The following RNF144B variants were observed in gnomAD, a reference collection of about 807,000 sequenced individuals.
The protein encoded by RNF144B is E3 ubiquitin-protein ligase RNF144B.
Under a neutral mutation model 40.2 loss-of-function variants are expected in RNF144B, and 25 were observed. That is an observed-to-expected ratio of 0.62 (90% CI 0.45 to 0.87). The LOEUF is 0.87. Among genes scored for constraint, RNF144B ranks in the 40% least tolerant of loss-of-function variants. RNF144B has a pLI of 0.00. For missense variants in RNF144B, 365 were observed against 373.7 expected, an observed-to-expected ratio of 0.98 and a Z score of 0.19; for synonymous variants, 145 against 136.3, an observed-to-expected ratio of 1.06 and a Z score of -0.44.
intron 3 of RNF144B, among the ~76,000 whole-genome samples, chr6:18,436,779 T>C (rs1192154909): frequency 6.6e-6 from 1 of 152,176 alleles, no homozygotes; most frequent in Admixed American, 6.5e-5. Flanking sequence ...CTTCTAATAA[T>C]CATCCTAACA....
At chr6:18,396,105 T>A (rs1208903235) in intron 1 of RNF144B, among the ~76,000 whole-genome samples, 1 of 152,224 alleles carries the variant, frequency 6.6e-6, no homozygotes, top group Non-Finnish European at 1.5e-5. Context: ...TTTATAACTT[T>A]GACTTCATAG....
chr6:18,429,991 A>G (rs1239278120), intron 3 of RNF144B, among the ~76,000 whole-genome samples: 1 of 152,204 alleles, frequency 6.6e-6, no homozygotes, highest in Non-Finnish European at 1.5e-5. Flanking sequence ...AGGCAACAGG[A>G]GCTGTGTCTG....
In RNF144B at chr6:18,468,645, CAT is replaced by C. The variant is rs769753235; in HGVS notation, c.*3579_*3580del. 2 of 152,260 alleles carry C rather than the reference CAT, an allele frequency of 1.3e-5. No individual in the cohort carries two copies. Among genetic ancestry groups the C allele is most frequent in the East Asian group, 3.9e-4 (2 of 5,178 alleles). The allele number at this position is 152,260 out of a possible 1,614,324, so 9.4% of individuals were successfully genotyped here. Reference sequence around the variant, plus strand: ...TGGATGCCTTTATGTGATATAGAGTCATGTGTGTATGTGTAGCTTTAAGGGCA... The same window carrying C: ...TGGATGCCTTTATGTGATATAGAGTCGTGTGTATGTGTAGCTTTAAGGGCA... On this transcript the variant is annotated 3_prime_UTR_variant, in exon 8 of 8. Transcript: ENST00000259939.
intron 2 of RNF144B, among the ~76,000 whole-genome samples, chr6:18,426,748 T>C (rs1351492513): frequency 7.3e-6 from 1 of 137,794 alleles, no homozygotes; most frequent in East Asian, 1.9e-4. Context: ...GAGTTTCTTT[T>C]TTCTATTCAA....
At chr6:18,389,620 T>C (rs1235872528) in intron 1 of RNF144B, among the ~76,000 whole-genome samples, 1 of 152,178 alleles carries the variant, frequency 6.6e-6, no homozygotes, top group Non-Finnish European at 1.5e-5. Context: ...GTGAAGTTTT[T>C]AGTGTTTGAA....
At chr6:18,394,957 T>C (rs1375716817) in intron 1 of RNF144B, among the ~76,000 whole-genome samples, 1 of 152,186 alleles carries the variant, frequency 6.6e-6, no homozygotes, top group African/African-American at 2.4e-5. Context: ...TCTTGTTCTA[T>C]GATTAGGTAT....
At position 18,422,535 on chromosome 6, in the gene RNF144B, A is replaced by G. The variant is rs1418058872; in HGVS notation, c.166-5046A>G. ...ACCTTCCTTCCCACTTGGCTGAGCT[A>G]TGGATGAGAAAACCTAGGTCAATAG... On this transcript the variant is annotated intron_variant, in intron 2 of 7. Transcript: ENST00000259939. This position sits in a 1 kb window ranked among gnomAD's most constrained non-coding sequence, Gnocchi z 4.7. Among the ~76,000 whole-genome samples the G allele has an allele frequency of 6.6e-6, 1 of 152,128 alleles. No homozygotes were observed. Among genetic ancestry groups the G allele is most frequent in the African/African-American group, 2.4e-5 (1 of 41,424 alleles).
At chr6:18,404,742 G>C (rs2087737545) in intron 2 of RNF144B, among the ~76,000 whole-genome samples, 3 of 152,188 alleles carry the variant, frequency 2.0e-5, no homozygotes, top group African/African-American at 7.2e-5. Context: ...ACAGTAAATA[G>C]ATGAGCACAT....
intron 2 of RNF144B, among the ~76,000 whole-genome samples, chr6:18,403,764 G>A (rs1451081352): frequency 1.3e-5 from 2 of 152,140 alleles, no homozygotes; most frequent in African/African-American, 4.8e-5. Flanking sequence ...TTTTGCAGGT[G>A]GAAAGTTAGA....
intron 1 of RNF144B, among the ~76,000 whole-genome samples, chr6:18,391,707 A>T (rs1157914951): frequency 2.0e-5 from 3 of 151,282 alleles, no homozygotes; most frequent in Admixed American, 1.3e-4. Flanking sequence ...CTCTACTAAA[A>T]ATACAAAAAA....
chr6:18,439,824 A>G, intron 4 of RNF144B, 80 bp downstream of exon 4: 4 of 931,954 alleles, frequency 4.3e-6, no homozygotes, highest in Non-Finnish European at 7.1e-6. Flanking sequence ...TGGAAGATAA[A>G]GGCAGCTATG....
intron 3 of RNF144B, among the ~76,000 whole-genome samples, chr6:18,430,486 TTCTCTCTCTC>T (rs5874639): frequency 6.7e-6 from 1 of 149,090 alleles, no homozygotes; most frequent in African/African-American, 2.5e-5. Flanking sequence ...GCTTCTTGCT[TTCTCTCTCTC>T]TCTCTCTCTC....
rs79544052 is a variant in RNF144B, at chr6:18,432,565, T to G, written c.270+4880T>G. On this transcript the variant is annotated intron_variant, in intron 3 of 7. Coordinates refer to ENST00000259939, the MANE Select transcript of RNF144B (RefSeq NM_182757.4). The stretch of plus-strand genomic sequence containing the variant: ...ATAGCATTACTTCAGGCGAAGCCCT[T>G]GCTTGAAGTTAGTAGCCCTGTTAAA... Among the ~76,000 whole-genome samples the G allele has an allele frequency of 3.9e-5, 6 of 152,376 alleles. No homozygotes were observed. In the South Asian group the frequency reaches 6.2e-4, roughly 16 times the overall value.
chr6:18,466,530 A>G lies in RNF144B; in HGVS notation c.*1463A>G, dbSNP rs1367495724. 6.6e-6 allele frequency: 1 copy of G among 152,662 alleles called. No homozygotes were observed. Among genetic ancestry groups the G allele is most frequent in the Non-Finnish European group, 1.5e-5 (1 of 68,044 alleles). The allele number at this position is 152,662 out of a possible 1,614,324, so 9.5% of individuals were successfully genotyped here. On this transcript the variant is annotated 3_prime_UTR_variant, in exon 8 of 8. Transcript: ENST00000259939. Reference sequence around the variant, plus strand: ...TCAGATTTGAATAACGAGGTTTTGAAAGGATAAAACCTTTTCTCCAATGAC... The same window carrying G: ...TCAGATTTGAATAACGAGGTTTTGAGAGGATAAAACCTTTTCTCCAATGAC...
At position 18,466,492 on chromosome 6, in the gene RNF144B, A is replaced by G. The variant is rs986604224; in HGVS notation, c.*1425A>G. Reference sequence around the variant, plus strand: ...CACCTCATTGTGACTTATTTTTTCCATTATACCATTAGTCAGATTTGAATA... The same window carrying G: ...CACCTCATTGTGACTTATTTTTTCCGTTATACCATTAGTCAGATTTGAATA... On this transcript the variant is annotated 3_prime_UTR_variant, in exon 8 of 8. Coordinates refer to ENST00000259939, the MANE Select transcript of RNF144B (RefSeq NM_182757.4). The G allele has an allele frequency of 2.6e-5, 4 of 152,758 alleles. No homozygotes were observed. The highest frequency in any genetic ancestry group is 4.8e-5 in the African/African-American group (2 of 41,588). 9.5% of individuals were successfully genotyped at this position (152,758 alleles called of 1,614,324 possible).
Position 18,459,784 on chromosome 6 carries a change from T to TC in RNF144B, c.681+35dup. 6 of 1,591,192 alleles carry TC rather than the reference T, an allele frequency of 3.8e-6. No individual in the cohort carries two copies. The highest frequency in any genetic ancestry group is 5.2e-6 in the Non-Finnish European group (6 of 1,162,046). ...CCACCTAGGTTTGTTGTATGGTGTT[T>TC]CCTATACTGTATCTGCACCACAGCT... On this transcript the variant is annotated intron_variant, in intron 6 of 7. Transcript: ENST00000259939. The surrounding 1 kb of genome is among the most constrained non-coding windows in gnomAD (Gnocchi z 4.2).
intron 3 of RNF144B, among the ~76,000 whole-genome samples, chr6:18,438,876 T>TG (rs1758886639): frequency 6.6e-6 from 1 of 152,090 alleles, no homozygotes; most frequent in Admixed American, 6.6e-5. Flanking sequence ...GAGAAAATCT[T>TG]TATTTTCTCA....
At chr6:18,435,702 A>G (rs890923857) in intron 3 of RNF144B, among the ~76,000 whole-genome samples, 4 of 152,180 alleles carry the variant, frequency 2.6e-5, no homozygotes, top group African/African-American at 9.6e-5. Flanking sequence ...ATAAAAAATG[A>G]TGAGTTCATG....
At position 18,398,190 on chromosome 6, in the gene RNF144B, C is replaced by G. The variant is rs1794728969; in HGVS notation, c.-36-1309C>G. 6.6e-6 allele frequency among the ~76,000 whole-genome samples: 1 copy of G among 152,060 alleles called. No individual in the cohort carries two copies. The highest frequency in any genetic ancestry group is 2.4e-5 in the African/African-American group (1 of 41,414). The stretch of plus-strand genomic sequence containing the variant: ...TGGTAACCTCTATTCTTCTTTTTGT[C>G]TCTCAGAATTGACTACTCTAGGTAC... On this transcript the variant is annotated intron_variant, in intron 1 of 7. Transcript: ENST00000259939. This position sits in a 1 kb window ranked among gnomAD's most constrained non-coding sequence, Gnocchi z 5.0.
Sources: gnomAD v4.1 joint callset for allele counts (sites outside exome capture counted in the v4.1 genomes callset) on GRCh38, gnomAD v4.1.1 for gene constraint, Gnocchi (gnomAD v3.1) non-coding constraint, MANE v1.5 for transcripts, NCBI Gene and HGNC (gene_info 2026-07-23, HGNC 2026-07-21) for gene names.